Variants in DOCK5 observed in about 807,000 individuals in gnomAD.
DOCK5 encodes the protein dedicator of cytokinesis 5, also known as dedicator of cytokinesis protein 5.
In DOCK5, 142 loss-of-function variants were observed where a neutral mutation model predicts 251.8. The ratio of observed to expected loss-of-function variants is 0.56; its 90% confidence interval spans 0.49 to 0.65. The LOEUF is 0.65. Ranked by LOEUF, DOCK5 falls within the 30% of genes least tolerant of loss-of-function variation. DOCK5 has a pLI of 0.00. For synonymous variants in DOCK5, 842 were observed against 835.5 expected, an observed-to-expected ratio of 1.01 and a Z score of -0.13; for missense variants, 2,111 against 2,312.3, an observed-to-expected ratio of 0.91 and a Z score of 1.79.
intron 36 of DOCK5, among the ~76,000 whole-genome samples, chr8:25,374,132 G>A (rs963922463): frequency 6.6e-6 from 1 of 152,280 alleles, no homozygotes; most frequent in Admixed American, 6.5e-5. Context: ...TAGTCTAGGT[G>A]GAGTCAGAGA....
chr8:25,184,825 C>T lies in DOCK5; in HGVS notation c.-84C>T. 2.5e-6 allele frequency: 3 copies of T among 1,206,040 alleles called. No homozygotes were observed. Among genetic ancestry groups the T allele is most frequent in the Non-Finnish European group, 3.2e-6 (3 of 948,440 alleles). 74.7% of individuals were successfully genotyped at this position (1,206,040 alleles called of 1,614,324 possible). ...GAACATGGCGGAAGCGTCTGGGGCA[C>T]GCAGGAGCGCGGGGCGGCGGCGGCC... On this transcript the variant is annotated 5_prime_UTR_variant, in exon 1 of 52. It adds an upstream start codon to the 5' untranslated region. Transcript: ENST00000276440.
At chr8:25,400,290 G>A (rs1046550331) in intron 46 of DOCK5, among the ~76,000 whole-genome samples, 47 of 152,100 alleles carry the variant, frequency 3.1e-4, no homozygotes, top group African/African-American at 1.1e-3. Context: ...CCTGAGGTCA[G>A]GAGTTCCAGA....
intron 5 of DOCK5, among the ~76,000 whole-genome samples, chr8:25,288,266 G>A (rs1729865975): frequency 6.6e-6 from 1 of 152,130 alleles, no homozygotes; most frequent in African/African-American, 2.4e-5. Flanking sequence ...GAAGTGTCAG[G>A]GACCAACTAT....
At chr8:25,288,745 C>T (rs1299030072) in intron 5 of DOCK5, among the ~76,000 whole-genome samples, 1 of 152,106 alleles carries the variant, frequency 6.6e-6, no homozygotes, top group Non-Finnish European at 1.5e-5. Flanking sequence ...TTTCTCACTT[C>T]TTTTTCCAAT....
Position 25,359,016 on chromosome 8 carries a change from C to G in DOCK5, c.2904C>G (p.His968Gln). 3 of 1,614,022 alleles carry G rather than the reference C, an allele frequency of 1.9e-6. No homozygotes were observed. The highest frequency in any genetic ancestry group is 2.5e-6 in the Non-Finnish European group (3 of 1,179,894). The change falls in exon 28 of 52, where the codon CAC becomes CAG. Residue 968 changes from histidine (H) to glutamine (Q), a missense_variant. By Grantham distance (24) the His-to-Gln change is conservative. Around this residue, in one of 3 missense-constraint regions of DOCK5, gnomAD observed 1,717 missense variants for 1,892.4 expected, o/e 0.91. Coordinates refer to ENST00000276440, the MANE Select transcript of DOCK5 (RefSeq NM_024940.8). ...TGCTGCAGCAAATGGACGACAGCCACTATAGCCACTACATCAGCACTTTCA... is the reference window on the plus strand; with the variant it reads ...TGCTGCAGCAAATGGACGACAGCCAGTATAGCCACTACATCAGCACTTTCA... The part of the protein sequence containing the change: ...IALLQQMDDS[H>Q]YSHYISTFKT...
At chr8:25,321,708 CT>C (rs1180420562) in intron 16 of DOCK5, among the ~76,000 whole-genome samples, 1 of 152,202 alleles carries the variant, frequency 6.6e-6, no homozygotes, top group African/African-American at 2.4e-5. Flanking sequence ...TCCTCCGCCG[CT>C]TACCTCCTGC....
intron 38 of DOCK5, among the ~76,000 whole-genome samples, chr8:25,377,910 CTT>C (rs35469697): frequency 8.4e-5 from 12 of 142,452 alleles, no homozygotes; most frequent in African/African-American, 7.7e-5. Context: ...ATTGGGGTTT[CTT>C]TTTTTTTTTT....
intron 1 of DOCK5, among the ~76,000 whole-genome samples, chr8:25,197,403 C>G (rs1586220329): frequency 6.6e-6 from 1 of 152,116 alleles, no homozygotes; most frequent in Non-Finnish European, 1.5e-5. Context: ...TCAGAAAGCT[C>G]TGTGCCATTG....
At position 25,415,026 on chromosome 8, in the gene DOCK5, T is replaced by G. The variant is rs561450694; in HGVS notation, c.*3728T>G. On this transcript the variant is annotated 3_prime_UTR_variant, in exon 52 of 52. Transcript: ENST00000276440. ...GGGGAGGATCTGAAGGAAACTAGTT[T>G]TCTGTACAAAGGCTTTGAGGTCCAT... 6.6e-6 allele frequency: 1 copy of G among 151,656 alleles called. No homozygotes were observed. The highest frequency in any genetic ancestry group is 1.5e-5 in the Non-Finnish European group (1 of 67,960). 9.4% of individuals were successfully genotyped at this position (151,656 alleles called of 1,614,324 possible).
chr8:25,281,922 G>A (rs1038018932), intron 5 of DOCK5, among the ~76,000 whole-genome samples: 12 of 149,148 alleles, frequency 8.0e-5, no homozygotes, highest in South Asian at 2.1e-4. Flanking sequence ...TCCCCTCTTC[G>A]AGGGCAGCAC....
intron 2 of DOCK5, among the ~76,000 whole-genome samples, chr8:25,258,361 GA>G (rs966578045): frequency 6.6e-6 from 1 of 152,020 alleles, no homozygotes; most frequent in Non-Finnish European, 1.5e-5. Flanking sequence ...GGGGTAACAA[GA>G]TTAAAAATAT....
chr8:25,313,978 C>T (rs1022814441), intron 13 of DOCK5, among the ~76,000 whole-genome samples: 2 of 152,142 alleles, frequency 1.3e-5, no homozygotes, highest in Non-Finnish European at 2.9e-5. Flanking sequence ...GTGTTTTCTC[C>T]CTAGGGGTAT....
At chr8:25,364,535 A>G in intron 29 of DOCK5, 91 bp from the exon 30 acceptor site, 1 of 870,758 alleles carries the variant, frequency 1.1e-6, no homozygotes, top group Non-Finnish European at 1.8e-6. Context: ...TGCCAAGTTC[A>G]GGTTTGGTTT....
chr8:25,309,834 A>G (rs954983808), intron 12 of DOCK5, among the ~76,000 whole-genome samples: 3 of 152,062 alleles, frequency 2.0e-5, no homozygotes, highest in African/African-American at 4.8e-5. Context: ...TAAAAAAAAA[A>G]GAAAGAAAGA....
chr8:25,389,877 G>T (rs974403346), intron 41 of DOCK5, among the ~76,000 whole-genome samples: 6 of 151,800 alleles, frequency 4.0e-5, no homozygotes, highest in African/African-American at 1.5e-4. Flanking sequence ...ATTTCAGAGG[G>T]ATGCTTGTCC....
At position 25,413,920 on chromosome 8, in the gene DOCK5, G is replaced by T. The variant is rs979785811; in HGVS notation, c.*2622G>T. The T allele has an allele frequency of 5.3e-5, 8 of 152,104 alleles. No individual in the cohort carries two copies. The highest frequency in any genetic ancestry group is 1.9e-4 in the African/African-American group (8 of 41,398). The allele number at this position is 152,104 out of a possible 1,614,324, so 9.4% of individuals were successfully genotyped here. On this transcript the variant is annotated 3_prime_UTR_variant, in exon 52 of 52. Coordinates refer to ENST00000276440, the MANE Select transcript of DOCK5 (RefSeq NM_024940.8). ...ATAAATAATGTGTCCTGAAGTCAGAGGATGACTGCAAAGAAACACCTCATG... is the reference window on the plus strand; with the variant it reads ...ATAAATAATGTGTCCTGAAGTCAGATGATGACTGCAAAGAAACACCTCATG...
intron 13 of DOCK5, 83 bp from the exon 14 acceptor site, chr8:25,316,924 C>CTTT: frequency 8.4e-6 from 13 of 1,547,602 alleles, no homozygotes; most frequent in African/African-American, 1.4e-5. Context: ...TTCGTGTTGT[C>CTTT]TTTACCTTTT....
intron 18 of DOCK5, 77 bp downstream of exon 18, chr8:25,325,624 C>A: frequency 6.5e-7 from 1 of 1,543,556 alleles, no homozygotes; most frequent in Non-Finnish European, 8.8e-7. Context: ...GCTCACAGGG[C>A]TGGACTATAT....
intron 29 of DOCK5, 120 bp downstream of exon 29, chr8:25,363,261 C>T (rs1026376110): frequency 2.0e-5 from 16 of 796,630 alleles, no homozygotes; most frequent in Non-Finnish European, 3.1e-5. Flanking sequence ...AAGTGAGGAT[C>T]TTCCTGCTCC....
Sources: allele counts gnomAD v4.1 joint callset (sites outside exome capture counted in the v4.1 genomes callset), GRCh38; gene constraint gnomAD v4.1.1; regional missense constraint gnomAD v4.1.1; transcripts MANE v1.5; gene names NCBI Gene and HGNC (gene_info 2026-07-23, HGNC 2026-07-21).